The following GRK5 variants were observed in gnomAD, a reference collection of about 807,000 sequenced individuals.
GRK5 encodes G protein-coupled receptor kinase 5.
Under a neutral mutation model 78.4 loss-of-function variants are expected in GRK5, and 40 were observed. The observed-to-expected ratio is 0.51, with a 90% CI of 0.40 to 0.66. GRK5 has a LOEUF of 0.66. GRK5 is among the 30% of genes least tolerant of loss of function. GRK5 has a pLI of 0.00. For missense variants in GRK5, 598 were observed against 759.9 expected, an observed-to-expected ratio of 0.79 and a Z score of 2.50; for synonymous variants, 289 against 296.8, an observed-to-expected ratio of 0.97 and a Z score of 0.27.
chr10:119,271,530 G>A lies in GRK5; in HGVS notation c.53-54986G>A, dbSNP rs1849582455. ...TGACAAAGAGGAATTTGGAGCCCTG[G>A]ACGGGGTGGCTGCACTGAGTCACCA... On this transcript the variant is annotated intron_variant, in intron 1 of 15. Transcript: ENST00000392870. This position sits in a 1 kb window ranked among gnomAD's most constrained non-coding sequence, Gnocchi z 4.1. Among the ~76,000 whole-genome samples, 1 of 152,306 alleles carries A rather than the reference G, an allele frequency of 6.6e-6. No homozygotes were observed. The highest frequency in any genetic ancestry group is 2.1e-4 in the South Asian group (1 of 4,824).
intron 1 of GRK5, among the ~76,000 whole-genome samples, chr10:119,228,470 A>G (rs1848776813): frequency 6.6e-6 from 1 of 151,602 alleles, no homozygotes; most frequent in Non-Finnish European, 1.5e-5. Context: ...AAAATTAAAA[A>G]ACATCAGCAA....
In GRK5 at chr10:119,397,549, C is replaced by T. The variant is rs140115994; in HGVS notation, c.339+777C>T. 2.1e-3 allele frequency among the ~76,000 whole-genome samples: 318 copies of T among 152,298 alleles called. 1 individual carries two copies. The highest frequency in any genetic ancestry group is 7.4e-3 in the African/African-American group (308 of 41,564). ...TGGGACCTGTGTGGGAATAGCTTTG[C>T]GTGTGTCCCATCCCCCGGGGCCAGT... On this transcript the variant is annotated intron_variant, in intron 4 of 15. Coordinates refer to ENST00000392870, the MANE Select transcript of GRK5 (RefSeq NM_005308.3).
chr10:119,446,793 G>A (rs1413635636), intron 12 of GRK5, among the ~76,000 whole-genome samples: 6 of 152,192 alleles, frequency 3.9e-5, no homozygotes, highest in African/African-American at 1.2e-4. Context: ...TGTTTGGGGG[G>A]CAGCCCCCTC....
intron 2 of GRK5, chr10:119,333,388 G>A (rs1007252191): frequency 1.1e-5 from 2 of 187,904 alleles, no homozygotes; most frequent in Admixed American, 5.6e-5. Flanking sequence ...GGCTCCTGGG[G>A]CAGGTTGGTT....
intron 1 of GRK5, among the ~76,000 whole-genome samples, chr10:119,257,742 C>G (rs1849313691): frequency 6.6e-6 from 1 of 151,704 alleles, no homozygotes; most frequent in Non-Finnish European, 1.5e-5. Context: ...AAAACAACCC[C>G]CAAAAAAGTG....
Position 119,455,165 on chromosome 10 carries a change from G to A in GRK5, c.*98G>A, listed in dbSNP as rs765407210. ...CCCCTGCTCTGGTGGGGCTGCCAGG[G>A]GAGACCCCGGGAGCCGGGGAAGGAG... On this transcript the variant is annotated 3_prime_UTR_variant, in exon 16 of 16. Coordinates refer to ENST00000392870, the MANE Select transcript of GRK5 (RefSeq NM_005308.3). The A allele has an allele frequency of 8.4e-6, 8 of 950,030 alleles. No homozygotes were observed. The highest frequency in any genetic ancestry group is 3.2e-5 in the African/African-American group (2 of 62,022). The allele number at this position is 950,030 out of a possible 1,614,324, so 58.9% of individuals were successfully genotyped here.
Position 119,238,206 on chromosome 10 carries a change from C to T in GRK5, c.52+30237C>T, listed in dbSNP as rs1224372750. Among the ~76,000 whole-genome samples the T allele has an allele frequency of 1.3e-5, 2 of 152,110 alleles. No individual in the cohort carries two copies. The highest frequency in any genetic ancestry group is 2.9e-5 in the Non-Finnish European group (2 of 68,038). On this transcript the variant is annotated intron_variant, in intron 1 of 15. Transcript: ENST00000392870. The surrounding 1 kb of genome is among the most constrained non-coding windows in gnomAD (Gnocchi z 4.7). ...AGATGGGGTGACAGACAGTTCTGCC[C>T]TCTGCTGTGCTGGTGACAGCCGGGA... is the stretch of plus-strand genomic sequence containing the variant.
chr10:119,212,817 C>T (rs1473980708), intron 1 of GRK5: 3 of 152,188 alleles, frequency 2.0e-5, no homozygotes, highest in African/African-American at 7.2e-5. Flanking sequence ...AATCATACAG[C>T]CCTCAGCACC....
intron 4 of GRK5, among the ~76,000 whole-genome samples, chr10:119,405,448 C>T (rs559220130): frequency 5.9e-5 from 9 of 152,110 alleles, no homozygotes; most frequent in Non-Finnish European, 1.3e-4. Flanking sequence ...TCCACACAAA[C>T]GAAATCTATT....
intron 1 of GRK5, among the ~76,000 whole-genome samples, chr10:119,235,057 C>T (rs1015805804): frequency 9.9e-5 from 15 of 152,282 alleles, no homozygotes; most frequent in African/African-American, 3.6e-4. Context: ...TCACTGCAAC[C>T]TCTGCCTTCC....
chr10:119,426,739 ACCG>A (rs1186567091), intron 6 of GRK5, among the ~76,000 whole-genome samples: 3 of 151,764 alleles, frequency 2.0e-5, no homozygotes, highest in Non-Finnish European at 2.9e-5. Context: ...CATCAGCATC[ACCG>A]CCATCATCAG....
chr10:119,378,074 G>C lies in GRK5; in HGVS notation c.149-2741G>C, dbSNP rs1851652972. 6.5e-6 allele frequency: 1 copy of C among 154,362 alleles called. No individual in the cohort carries two copies. The highest frequency in any genetic ancestry group is 2.4e-5 in the African/African-American group (1 of 41,508). 9.6% of individuals were successfully genotyped at this position (154,362 alleles called of 1,614,324 possible). A position where few individuals can be genotyped will look rare whatever the true frequency, so the allele number is the denominator to read the frequency against. ...GACCAGGTTCCCTACTGTGGCTGATGATCACACTCATCTAGCTTGACATTT... is the reference window on the plus strand; with the variant it reads ...GACCAGGTTCCCTACTGTGGCTGATCATCACACTCATCTAGCTTGACATTT... On this transcript the variant is annotated intron_variant, in intron 2 of 15. Coordinates refer to ENST00000392870, the MANE Select transcript of GRK5 (RefSeq NM_005308.3). The surrounding 1 kb of genome is among the most constrained non-coding windows in gnomAD (Gnocchi z 4.5).
At chr10:119,428,118 G>A (rs1236792476) in intron 6 of GRK5, among the ~76,000 whole-genome samples, 1 of 152,234 alleles carries the variant, frequency 6.6e-6, no homozygotes, top group Non-Finnish European at 1.5e-5. Context: ...CCATGCCCAC[G>A]CCCGGTTCTG....
intron 2 of GRK5, among the ~76,000 whole-genome samples, chr10:119,356,103 C>T (rs968094665): frequency 1.3e-5 from 2 of 152,152 alleles, no homozygotes; most frequent in Non-Finnish European, 2.9e-5. Context: ...TTGCATTAGA[C>T]AGCGACACCT....
At chr10:119,389,778 G>A (rs1009794541) in intron 3 of GRK5, among the ~76,000 whole-genome samples, 1 of 151,338 alleles carries the variant, frequency 6.6e-6, no homozygotes, top group Non-Finnish European at 1.5e-5. Context: ...GAACAAGCCA[G>A]TCAGCACCCA....
intron 4 of GRK5, among the ~76,000 whole-genome samples, chr10:119,400,929 A>C (rs535500124): frequency 8.5e-5 from 13 of 152,268 alleles, no homozygotes; most frequent in African/African-American, 3.1e-4. Context: ...CCCAGGAAAG[A>C]CAGAGCACAG....
chr10:119,276,205 G>C (rs1849666963), intron 1 of GRK5, among the ~76,000 whole-genome samples: 1 of 152,028 alleles, frequency 6.6e-6, no homozygotes, highest in Non-Finnish European at 1.5e-5. Context: ...CCATGCTGGT[G>C]TGCTGCACCC....
chr10:119,409,851 G>A (rs10787966), intron 4 of GRK5, among the ~76,000 whole-genome samples: 77,888 of 152,006 alleles, frequency 0.51, 21,571 homozygotes, highest in Middle Eastern at 0.68. Context: ...CGCCTATCAC[G>A]CACAAAGAAT....
At chr10:119,408,098 G>A (rs1852272485) in intron 4 of GRK5, among the ~76,000 whole-genome samples, 1 of 148,370 alleles carries the variant, frequency 6.7e-6, no homozygotes, top group African/African-American at 2.5e-5. Flanking sequence ...AGGAGGCAGA[G>A]GTTGTGGTGA....
Sources: allele counts gnomAD v4.1 joint callset (sites outside exome capture counted in the v4.1 genomes callset), GRCh38; gene constraint gnomAD v4.1.1; non-coding constraint Gnocchi (gnomAD v3.1); transcripts MANE v1.5; gene names NCBI Gene and HGNC (gene_info 2026-07-23, HGNC 2026-07-21).